Variants in C8orf34 observed in about 807,000 individuals in gnomAD.
C8orf34 encodes uncharacterized protein C8orf34.
A neutral mutation model predicts 68.3 loss-of-function variants in C8orf34; 65 were observed. The ratio of observed to expected loss-of-function variants is 0.95; its 90% CI spans 0.78 to 1.17. The LOEUF is 1.17. Among genes scored for constraint, C8orf34 ranks in the 50% most tolerant of loss-of-function variants. C8orf34 has a pLI of 0.00. For missense variants in C8orf34, 664 were observed against 655.4 expected, an observed-to-expected ratio of 1.01 and a Z score of -0.14; for synonymous variants, 244 against 241.2, an observed-to-expected ratio of 1.01 and a Z score of -0.11.
chr8:68,721,565 C>A (rs553004635), intron 10 of C8orf34, 128 bp downstream of exon 10: 3 of 635,938 alleles, frequency 4.7e-6, no homozygotes, highest in Admixed American at 3.1e-5. Flanking sequence ...TAAGTTGTTT[C>A]AACAGTTGGG....
intron 12 of C8orf34, among the ~76,000 whole-genome samples, chr8:68,789,819 T>G (rs1823942603): frequency 6.6e-6 from 1 of 152,200 alleles, no homozygotes. Flanking sequence ...AAAAGTTATT[T>G]ATACTTTTAT....
chr8:68,581,646 G>A (rs1817067251), intron 7 of C8orf34, among the ~76,000 whole-genome samples: 1 of 152,130 alleles, frequency 6.6e-6, no homozygotes, highest in Non-Finnish European at 1.5e-5. Flanking sequence ...ACTTCTTGAA[G>A]CTTCTGCTAT....
At chr8:68,475,440 G>A (rs568453310) in intron 4 of C8orf34, among the ~76,000 whole-genome samples, 1 of 152,290 alleles carries the variant, frequency 6.6e-6, no homozygotes, top group East Asian at 1.9e-4. Flanking sequence ...GTTATGGTTT[G>A]CTTGAAGAGG....
chr8:68,331,749 T>A (rs1805603702), intron 1 of C8orf34, among the ~76,000 whole-genome samples: 1 of 147,332 alleles, frequency 6.8e-6, no homozygotes. Context: ...AGTGTTCGTG[T>A]TGGATTTTCT....
At chr8:68,543,712 AT>A (rs1391481748) in intron 7 of C8orf34, among the ~76,000 whole-genome samples, 3 of 152,180 alleles carry the variant, frequency 2.0e-5, no homozygotes, top group African/African-American at 7.2e-5. Flanking sequence ...TCATATTAAT[AT>A]TTTATATTTA....
At position 68,431,571 on chromosome 8, in the gene C8orf34, T is replaced by G. The variant is rs534732504; in HGVS notation, c.328-7928T>G. On this transcript the variant is annotated intron_variant, in intron 1 of 13. Transcript: ENST00000518698. ...TAACTGAAAGTATTTCCGTAGGATA[T>G]GCTAATTTCTCACTGGAAACCTTGG... Among the ~76,000 whole-genome samples, 8 of 152,332 alleles carry G rather than the reference T, an allele frequency of 5.3e-5. No individual in the cohort carries two copies. The East Asian group carries it at 1.5e-3, about 29-fold the overall frequency.
chr8:68,609,722 C>T (rs1251022081), intron 7 of C8orf34, among the ~76,000 whole-genome samples: 1 of 152,098 alleles, frequency 6.6e-6, no homozygotes, highest in African/African-American at 2.4e-5. Flanking sequence ...GATGACTTTT[C>T]CAGGGAAAAT....
intron 12 of C8orf34, among the ~76,000 whole-genome samples, chr8:68,809,336 C>T (rs998221924): frequency 6.6e-6 from 1 of 152,176 alleles, no homozygotes; most frequent in South Asian, 2.1e-4. Flanking sequence ...CTTCTACATT[C>T]AATTTATGCC....
At chr8:68,655,686 C>T (rs1342965570) in intron 8 of C8orf34, among the ~76,000 whole-genome samples, 1 of 152,100 alleles carries the variant, frequency 6.6e-6, no homozygotes, top group African/African-American at 2.4e-5. Context: ...GTATTAAATG[C>T]ATTTTTGACT....
chr8:68,588,499 T>C (rs928518179), intron 7 of C8orf34, among the ~76,000 whole-genome samples: 2 of 152,144 alleles, frequency 1.3e-5, no homozygotes, highest in South Asian at 2.1e-4. Flanking sequence ...CATGGAGATG[T>C]AGTGGTAAAC....
intron 2 of C8orf34, 134 bp from the exon 3 acceptor site, chr8:68,446,195 T>C: frequency 1.5e-6 from 1 of 679,782 alleles, no homozygotes; most frequent in South Asian, 2.2e-5. Context: ...GTAATACCTT[T>C]GCGTGGGTAC....
intron 5 of C8orf34, among the ~76,000 whole-genome samples, chr8:68,515,012 A>G (rs1191219006): frequency 6.6e-6 from 1 of 152,210 alleles, no homozygotes; most frequent in African/African-American, 2.4e-5. Flanking sequence ...GCTGGCATTG[A>G]AACAATTGAA....
chr8:68,646,684 CT>C (rs1212720428), intron 8 of C8orf34, among the ~76,000 whole-genome samples: 1 of 152,054 alleles, frequency 6.6e-6, no homozygotes, highest in Non-Finnish European at 1.5e-5. Context: ...ATGAGTTTGA[CT>C]TTTTTAGATT....
chr8:68,521,135 A>T (rs1242644091), intron 5 of C8orf34, among the ~76,000 whole-genome samples: 1 of 152,210 alleles, frequency 6.6e-6, no homozygotes, highest in African/African-American at 2.4e-5. Context: ...CAAAATCTAG[A>T]TTATAAGTAT....
intron 6 of C8orf34, among the ~76,000 whole-genome samples, chr8:68,527,460 T>C (rs1815054513): frequency 6.6e-6 from 1 of 151,994 alleles, no homozygotes; most frequent in African/African-American, 2.4e-5. Flanking sequence ...TAGTCCCAGC[T>C]ACTCGGGAGG....
intron 7 of C8orf34, among the ~76,000 whole-genome samples, chr8:68,544,543 T>C (rs752612675): frequency 1.1e-4 from 17 of 152,090 alleles, no homozygotes; most frequent in Non-Finnish European, 2.1e-4. Context: ...TTAAAAAGAA[T>C]CAACAGAAAG....
intron 3 of C8orf34, among the ~76,000 whole-genome samples, chr8:68,455,734 A>C (rs755909320): frequency 1.3e-5 from 2 of 152,072 alleles, no homozygotes; most frequent in Non-Finnish European, 2.9e-5. Context: ...ATTTACATCT[A>C]TTTCTTATTG....
At position 68,462,535 on chromosome 8, in the gene C8orf34, T is replaced by A. The variant is rs1483162469; in HGVS notation, c.608-6157T>A. Among the ~76,000 whole-genome samples the A allele has an allele frequency of 3.3e-5, 5 of 151,758 alleles. No individual in the cohort carries two copies. The East Asian group carries it at 9.7e-4, about 29-fold the overall frequency. On this transcript the variant is annotated intron_variant, in intron 3 of 13. Coordinates refer to ENST00000518698, the MANE Select transcript of C8orf34 (RefSeq NM_052958.4). ...ACCTATTCCAAAATTGACCACATAG[T>A]TGGAAGTAAAGCTCTCCTCAGCAAA...
At chr8:68,673,643 C>G (rs1035587201) in intron 8 of C8orf34, among the ~76,000 whole-genome samples, 2 of 152,148 alleles carry the variant, frequency 1.3e-5, no homozygotes, top group African/African-American at 4.8e-5. Flanking sequence ...AAGTAGATTC[C>G]TATTCAACCC....
Sources: gnomAD v4.1 joint callset for allele counts (sites outside exome capture counted in the v4.1 genomes callset) on GRCh38, gnomAD v4.1.1 for gene constraint, MANE v1.5 for transcripts, NCBI Gene and HGNC (gene_info 2026-07-23, HGNC 2026-07-21) for gene names.